The following SLIT3 variants were observed in gnomAD, a reference collection of about 807,000 sequenced individuals.
SLIT3 encodes slit guidance ligand 3.
SLIT3 carries 68 observed loss-of-function variants against 184.0 expected under a neutral mutation model. That is an observed-to-expected ratio of 0.37 (90% CI 0.30 to 0.45). The LOEUF (loss-of-function observed/expected upper bound fraction) is 0.45. Ranked by LOEUF, SLIT3 falls within the 20% of genes least tolerant of loss-of-function variation. The pLI is 1.00. For missense variants in SLIT3, 1,707 were observed against 2,026.0 expected, an observed-to-expected ratio of 0.84 and a Z score of 3.02; for synonymous variants, 831 against 828.6, an observed-to-expected ratio of 1.00 and a Z score of -0.05.
In SLIT3 at chr5:168,686,732, C is replaced by T. The variant is rs115332027; in HGVS notation, c.3314+247G>A. 3.8e-3 allele frequency among the ~76,000 whole-genome samples: 576 copies of T among 152,370 alleles called. 4 individuals are homozygous for T. The highest frequency in any genetic ancestry group is 0.013 in the African/African-American group (533 of 41,588). ...TTACACAAGCTGAACCTAAGCCCAGCTTTCACGTGGAGTTGCCACAAGTAG... is the reference window on the plus strand; with the variant it reads ...TTACACAAGCTGAACCTAAGCCCAGTTTTCACGTGGAGTTGCCACAAGTAG... On this transcript the variant is annotated intron_variant, in intron 30 of 35. Coordinates refer to ENST00000519560, the MANE Select transcript of SLIT3 (RefSeq NM_003062.4).
chr5:168,671,380 C>T lies in SLIT3; in HGVS notation c.3945G>A (p.Leu1315=), dbSNP rs757648989. ...CIHEVRINNE[L]QDFKALPPQS... is the part of the protein sequence containing the mutation. ...GTGGTGGGAGGGCCTTGAAGTCCTG[C>T]AGCTCGTTGTTGATGCGCACCTCAT... is the stretch of plus-strand genomic sequence containing the variant. Residue 1315 remains leucine (L), a synonymous_variant, in exon 34 of 36, where the codon CTG becomes CTA. Transcript: ENST00000519560. The T allele has an allele frequency of 4.3e-6, 7 of 1,614,162 alleles. No individual in the cohort carries two copies. The Admixed American group carries it at 8.3e-5, about 19-fold the overall frequency.
chr5:169,155,331 A>G (rs1762266420), intron 4 of SLIT3, among the ~76,000 whole-genome samples: 1 of 152,208 alleles, frequency 6.6e-6, no homozygotes, highest in Non-Finnish European at 1.5e-5. Context: ...CGGTGTCTGC[A>G]GCTAATAGTG....
At chr5:169,180,282 C>T (rs1763114051) in intron 4 of SLIT3, among the ~76,000 whole-genome samples, 1 of 152,144 alleles carries the variant, frequency 6.6e-6, no homozygotes, top group Admixed American at 6.5e-5. Context: ...TGCTTCAGTG[C>T]AGTGGATGTG....
chr5:169,135,129 G>A (rs1310149263), intron 4 of SLIT3, among the ~76,000 whole-genome samples: 4 of 152,232 alleles, frequency 2.6e-5, no homozygotes, highest in South Asian at 2.1e-4. Context: ...TTTTGGAGAC[G>A]GAGTCTCACT....
At chr5:169,197,672 A>T (rs1486625390) in intron 3 of SLIT3, among the ~76,000 whole-genome samples, 1 of 152,212 alleles carries the variant, frequency 6.6e-6, no homozygotes, top group Non-Finnish European at 1.5e-5. Flanking sequence ...AATGGAACTC[A>T]TATGAGGACA....
At chr5:169,208,347 C>T (rs757651032) in intron 3 of SLIT3, among the ~76,000 whole-genome samples, 2 of 152,160 alleles carry the variant, frequency 1.3e-5, no homozygotes, top group Non-Finnish European at 2.9e-5. Flanking sequence ...TTGTAGTTCT[C>T]CTTGCAGAGG....
intron 4 of SLIT3, among the ~76,000 whole-genome samples, chr5:169,079,313 A>C (rs549993406): frequency 2.0e-5 from 3 of 152,238 alleles, no homozygotes; most frequent in Admixed American, 6.5e-5. Flanking sequence ...TTTTGTTTTC[A>C]GATCTTATAG....
chr5:169,277,890 C>T (rs919047379), intron 1 of SLIT3, among the ~76,000 whole-genome samples: 1 of 152,188 alleles, frequency 6.6e-6, no homozygotes, highest in African/African-American at 2.4e-5. Flanking sequence ...TAGGAGGGTT[C>T]CAATTTCCAA....
At chr5:169,064,704 T>C (rs564322314) in intron 4 of SLIT3, among the ~76,000 whole-genome samples, 48 of 152,364 alleles carry the variant, frequency 3.2e-4, no homozygotes, top group African/African-American at 1.1e-3. Flanking sequence ...GGCTCTTCTC[T>C]GTGCATCTTC....
intron 4 of SLIT3, among the ~76,000 whole-genome samples, chr5:169,168,880 T>TA (rs11393664): frequency 0.79 from 120,466 of 152,078 alleles, 47,989 homozygotes; most frequent in East Asian, 0.89. Flanking sequence ...ATTGCTGGCA[T>TA]TGGCCAGTGG....
At chr5:168,690,588 C>G (rs923165116) in intron 29 of SLIT3, among the ~76,000 whole-genome samples, 2 of 152,318 alleles carry the variant, frequency 1.3e-5, no homozygotes, top group African/African-American at 4.8e-5. Flanking sequence ...TCACAGTATC[C>G]CATACTTCGT....
chr5:168,680,763 G>T (rs1485375037), intron 32 of SLIT3, among the ~76,000 whole-genome samples: 2 of 152,178 alleles, frequency 1.3e-5, no homozygotes, highest in African/African-American at 4.8e-5. Flanking sequence ...CCTCCCCAGG[G>T]CTTCCTCGCT....
chr5:168,988,557 G>A (rs753149715), intron 4 of SLIT3, among the ~76,000 whole-genome samples: 12 of 152,258 alleles, frequency 7.9e-5, no homozygotes, highest in Middle Eastern at 3.4e-3. Context: ...CTTCCTGGAC[G>A]TTCCCTCAAA....
chr5:168,757,555 C>T (rs557428396), intron 16 of SLIT3, among the ~76,000 whole-genome samples: 20 of 152,268 alleles, frequency 1.3e-4, no homozygotes, highest in Admixed American at 4.6e-4. Context: ...TGCTTCAGCC[C>T]CCCGAGTAGC....
chr5:169,149,917 G>A (rs2113366262), intron 4 of SLIT3, among the ~76,000 whole-genome samples: 1 of 152,300 alleles, frequency 6.6e-6, no homozygotes, highest in East Asian at 1.9e-4. Flanking sequence ...ACTATGCCAA[G>A]TACTATCACT....
At chr5:169,137,325 C>CAGAGAGAG (rs1376695419) in intron 4 of SLIT3, among the ~76,000 whole-genome samples, 12 of 100,756 alleles carry the variant, frequency 1.2e-4, no homozygotes, top group Admixed American at 3.9e-4. Flanking sequence ...CACACACACA[C>CAGAGAGAG]ACACACACAC....
chr5:168,676,209 A>C (rs1196138499), intron 32 of SLIT3, among the ~76,000 whole-genome samples: 1 of 151,420 alleles, frequency 6.6e-6, no homozygotes, highest in African/African-American at 2.4e-5. Context: ...TCTACCCTTC[A>C]TCCGCCCACC....
chr5:169,001,471 G>T (rs1280336999), intron 4 of SLIT3, among the ~76,000 whole-genome samples: 3 of 152,062 alleles, frequency 2.0e-5, no homozygotes, highest in Non-Finnish European at 4.4e-5. Context: ...CACATAGGCG[G>T]GTCACGTCTT....
intron 7 of SLIT3, among the ~76,000 whole-genome samples, chr5:168,822,441 G>A (rs1298805875): frequency 1.3e-5 from 2 of 152,148 alleles, no homozygotes; most frequent in Non-Finnish European, 1.5e-5. Context: ...CTTGGGAGCT[G>A]GCTCTCCCTG....
Sources: allele counts gnomAD v4.1 joint callset (sites outside exome capture counted in the v4.1 genomes callset), GRCh38; gene constraint gnomAD v4.1.1; transcripts MANE v1.5; gene names NCBI Gene and HGNC (gene_info 2026-07-23, HGNC 2026-07-21).